Variants in CAMK2G observed in about 807,000 individuals in gnomAD.
CAMK2G encodes the protein calcium/calmodulin dependent protein kinase II gamma.
Under a neutral mutation model 88.7 loss-of-function variants are expected in CAMK2G, and 23 were observed. The ratio of observed to expected loss-of-function variants is 0.26; its 90% CI spans 0.19 to 0.37. CAMK2G has a LOEUF of 0.37. CAMK2G is among the 10% of genes least tolerant of loss of function. CAMK2G has a pLI of 1.00. For synonymous variants in CAMK2G, 263 were observed against 294.8 expected (o/e 0.89, Z 1.11); for missense variants, 476 against 780.8 (o/e 0.61, Z 4.65).
intron 10 of CAMK2G, among the ~76,000 whole-genome samples, chr10:73,843,178 C>T (rs973083919): frequency 6.6e-6 from 1 of 151,674 alleles, no homozygotes; most frequent in African/African-American, 2.4e-5. Context: ...GTTCTCCTGT[C>T]TTGGCCTCCC....
Position 73,839,693 on chromosome 10 carries a change from C to G in CAMK2G, c.947-92G>C, listed in dbSNP as rs577404044. ...GCCCCAGCGCGAGGCGCAGCCCAGG[C>G]GGCGTGGCCAAGCCAGCCGAGCTGG... On this transcript the variant is annotated intron_variant, in intron 12 of 22. Coordinates refer to ENST00000423381, the MANE Select transcript of CAMK2G (RefSeq NM_001367534.1). The surrounding 1 kb of genome is among the most constrained non-coding windows in gnomAD (Gnocchi z 4.2). The G allele has an allele frequency of 2.6e-5, 21 of 814,640 alleles. No individual in the cohort carries two copies. In the Admixed American group the frequency reaches 2.6e-4, roughly 10 times the overall value. 50.5% of individuals were successfully genotyped at this position (814,640 alleles called of 1,614,324 possible).
chr10:73,823,426 A>G (rs1000568049), intron 17 of CAMK2G, among the ~76,000 whole-genome samples: 6 of 151,588 alleles, frequency 4.0e-5, no homozygotes, highest in Non-Finnish European at 7.4e-5. Flanking sequence ...ATGTTGCCCA[A>G]GGTGGTCTCT....
intron 14 of CAMK2G, among the ~76,000 whole-genome samples, chr10:73,831,708 A>C (rs1458379389): frequency 2.7e-5 from 4 of 149,802 alleles, no homozygotes; most frequent in Non-Finnish European, 5.9e-5. Flanking sequence ...AAAAATACAA[A>C]AATCAGCCGG....
chr10:73,863,062 T>C (rs537380200), intron 2 of CAMK2G, among the ~76,000 whole-genome samples: 1 of 152,354 alleles, frequency 6.6e-6, no homozygotes, highest in East Asian at 1.9e-4. Context: ...GATTATGGAC[T>C]AGAAGAAATT....
In CAMK2G at chr10:73,839,726, G is replaced by A. The variant is rs2093612707; in HGVS notation, c.947-125C>T. The A allele has an allele frequency of 2.1e-6, 1 of 475,018 alleles. No individual in the cohort carries two copies. Among genetic ancestry groups the A allele is most frequent in the Non-Finnish European group, 3.4e-6 (1 of 297,680 alleles). The allele number at this position is 475,018 out of a possible 1,614,324, so 29.4% of individuals were successfully genotyped here. The stretch of plus-strand genomic sequence containing the variant: ...CCAAGCCAGCCGAGCTGGGGGAGCG[G>A]AGCGCCAGGGGCAGGCTGAGGAGGT... On this transcript the variant is annotated intron_variant, in intron 12 of 22. Transcript: ENST00000423381. This position sits in a 1 kb window ranked among gnomAD's most constrained non-coding sequence, Gnocchi z 4.2.
chr10:73,847,498 C>T (rs1219224637), intron 9 of CAMK2G, 151 bp from the exon 10 acceptor site: 3 of 766,908 alleles, frequency 3.9e-6, no homozygotes, highest in Non-Finnish European at 6.4e-6. Context: ...TGCGGCTATT[C>T]CAGAACCTGT....
intron 14 of CAMK2G, among the ~76,000 whole-genome samples, chr10:73,830,487 G>C (rs193128786): frequency 1.3e-5 from 2 of 152,216 alleles, no homozygotes; most frequent in Non-Finnish European, 2.9e-5. Flanking sequence ...CTTAAAAACT[G>C]TATATTTATT....
At chr10:73,822,586 CCTA>C (rs1412044895) in intron 17 of CAMK2G, among the ~76,000 whole-genome samples, 4 of 152,178 alleles carry the variant, frequency 2.6e-5, no homozygotes, top group Non-Finnish European at 5.9e-5. Flanking sequence ...AATGCAAACT[CCTA>C]CAAGGGCCTC....
intron 19 of CAMK2G, chr10:73,818,768 C>A (rs575170397): frequency 2.2e-6 from 1 of 456,228 alleles, no homozygotes; most frequent in South Asian, 1.5e-5. Flanking sequence ...CCTCTCCAAC[C>A]CCACCAGACC....
In CAMK2G at chr10:73,845,327, A is replaced by G. The variant is rs571668585; in HGVS notation, c.819+1898T>C. ...GCCGGGCGCAGTGGCTCATGCCTGT[A>G]ATCTCAGCACTTTGGGAAGCCGAGG... On this transcript the variant is annotated intron_variant, in intron 10 of 22. Transcript: ENST00000423381. Among the ~76,000 whole-genome samples, 382 of 152,304 alleles carry G rather than the reference A, an allele frequency of 2.5e-3. 1 individual carries two copies. The highest frequency in any genetic ancestry group is 8.6e-3 in the African/African-American group (356 of 41,550).
chr10:73,819,512 T>A lies in CAMK2G; in HGVS notation c.1363+20A>T. 1 of 1,501,060 alleles carries A rather than the reference T, an allele frequency of 6.7e-7. No homozygotes were observed. The highest frequency in any genetic ancestry group is 9.1e-7 in the Non-Finnish European group (1 of 1,102,810). The allele number at this position is 1,501,060 out of a possible 1,614,324, so 93.0% of individuals were successfully genotyped here. The stretch of plus-strand genomic sequence containing the variant: ...CGAGCCAGGGAGACGGAAGCCAGAA[T>A]GTGCCTCCCTCACACTTACTGGCTG... On this transcript the variant is annotated intron_variant, in intron 19 of 22. Transcript: ENST00000423381.
At chr10:73,828,572 G>A (rs1056525024) in intron 14 of CAMK2G, among the ~76,000 whole-genome samples, 1 of 152,132 alleles carries the variant, frequency 6.6e-6, no homozygotes, top group African/African-American at 2.4e-5. Flanking sequence ...GCTACTACAG[G>A]CTCTCCTCAG....
At position 73,842,986 on chromosome 10, in the gene CAMK2G, C is replaced by A. The variant is rs1417463280; in HGVS notation, c.820-445G>T. Among the ~76,000 whole-genome samples the A allele has an allele frequency of 6.6e-6, 1 of 152,186 alleles. No individual in the cohort carries two copies. The highest frequency in any genetic ancestry group is 1.5e-5 in the Non-Finnish European group (1 of 68,030). ...CCTTCCAAGAGCCCCTCTCCACACA[C>A]CCCCAGCAAGGTCCTGAATGAAGCC... On this transcript the variant is annotated intron_variant, in intron 10 of 22. Coordinates refer to ENST00000423381, the MANE Select transcript of CAMK2G (RefSeq NM_001367534.1). The surrounding 1 kb of genome is among the most constrained non-coding windows in gnomAD (Gnocchi z 4.6).
intron 3 of CAMK2G, among the ~76,000 whole-genome samples, chr10:73,858,776 A>G (rs1039097998): frequency 1.3e-5 from 2 of 152,220 alleles, no homozygotes; most frequent in Non-Finnish European, 2.9e-5. Flanking sequence ...ATGGGGTAAA[A>G]AAGTATGTAT....
In CAMK2G at chr10:73,852,504, T is replaced by A. The variant is rs2094702606; in HGVS notation, c.276-185A>T. On this transcript the variant is annotated intron_variant, in intron 4 of 22. Transcript: ENST00000423381. The stretch of plus-strand genomic sequence containing the variant: ...TGACACCCGGATTCTCCTTGAGGTA[T>A]CATGGGCCGTCCCTTCCTTCCGGAC... 6.7e-6 allele frequency: 4 copies of A among 593,380 alleles called. No homozygotes were observed. The Admixed American group carries it at 8.8e-5, about 13-fold the overall frequency. 36.8% of individuals were successfully genotyped at this position (593,380 alleles called of 1,614,324 possible).
At chr10:73,849,855 T>C (rs1474602696) in intron 5 of CAMK2G, among the ~76,000 whole-genome samples, 2 of 152,200 alleles carry the variant, frequency 1.3e-5, no homozygotes, top group African/African-American at 4.8e-5. Context: ...ACCCAATAGC[T>C]GCCCTGAGGT....
chr10:73,818,489 A>G (rs2086527196), intron 19 of CAMK2G: 2 of 352,482 alleles, frequency 5.7e-6, no homozygotes, highest in Admixed American at 7.4e-5. Flanking sequence ...GGGCGGGGCC[A>G]GGCCACAACC....
At chr10:73,871,549 A>T (rs932355870) in intron 2 of CAMK2G, among the ~76,000 whole-genome samples, 7 of 152,100 alleles carry the variant, frequency 4.6e-5, no homozygotes, top group Non-Finnish European at 8.8e-5. Context: ...ATCCAGCCTC[A>T]AGCCATTGTT....
In CAMK2G at chr10:73,819,657, G is replaced by C. The variant is rs1264536922; in HGVS notation, c.1250-12C>G. The C allele has an allele frequency of 2.1e-6, 3 of 1,442,450 alleles. No individual in the cohort carries two copies. The highest frequency in any genetic ancestry group is 2.8e-6 in the Non-Finnish European group (3 of 1,065,022). The allele number at this position is 1,442,450 out of a possible 1,614,324, so 89.4% of individuals were successfully genotyped here. On this transcript the variant is annotated splice_polypyrimidine_tract_variant and intron_variant, in intron 18 of 22. Transcript: ENST00000423381. ...GCGGAGCGGGGCAGCTAGCCAGCCA[G>C]GGCAGGGCAGGGCAGGGCAAGGCAG...
Sources: gnomAD v4.1 joint callset for allele counts (sites outside exome capture counted in the v4.1 genomes callset) on GRCh38, gnomAD v4.1.1 for gene constraint, Gnocchi (gnomAD v3.1) non-coding constraint, MANE v1.5 for transcripts, NCBI Gene and HGNC (gene_info 2026-07-23, HGNC 2026-07-21) for gene names.